Variants in RBFOX1 observed in about 807,000 individuals in gnomAD.
RBFOX1 encodes RNA binding protein fox-1 homolog 1.
RBFOX1 carries 8 observed loss-of-function variants against 57.7 expected under a neutral mutation model. That is an observed-to-expected ratio of 0.14 (90% CI 0.08 to 0.25). RBFOX1 has a LOEUF of 0.25. RBFOX1 is among the 10% of genes least tolerant of loss of function. The pLI is 1.00. For synonymous variants in RBFOX1, 326 were observed against 222.4 expected, an observed-to-expected ratio of 1.47 and a Z score of -4.15; for missense variants, 611 against 548.5, an observed-to-expected ratio of 1.11 and a Z score of -1.14.
At chr16:6,618,512 T>A (rs1464990935) in intron 2 of RBFOX1, among the ~76,000 whole-genome samples, 1 of 152,198 alleles carries the variant, frequency 6.6e-6, no homozygotes, top group Admixed American at 6.5e-5. Flanking sequence ...CCACTAGGCG[T>A]TTAATGTGGA....
At chr16:7,158,260 C>G (rs2077548650) in intron 4 of RBFOX1, among the ~76,000 whole-genome samples, 1 of 152,044 alleles carries the variant, frequency 6.6e-6, no homozygotes, top group Non-Finnish European at 1.5e-5. Flanking sequence ...GCAGGAGAAT[C>G]ACTTGAAACT....
At chr16:6,690,335 A>G (rs1219426074) in intron 3 of RBFOX1, among the ~76,000 whole-genome samples, 2 of 152,164 alleles carry the variant, frequency 1.3e-5, no homozygotes, top group African/African-American at 4.8e-5. Context: ...AACATCACCT[A>G]TGCAATATAC....
chr16:7,069,057 A>G (rs961795130), intron 4 of RBFOX1, among the ~76,000 whole-genome samples: 34 of 152,252 alleles, frequency 2.2e-4, no homozygotes, highest in African/African-American at 7.0e-4. Context: ...ATGTTTCTAA[A>G]GACTCTAGGA....
At chr16:5,835,859 C>T (rs1381887625) in intron 3 of RBFOX1, among the ~76,000 whole-genome samples, 2 of 152,172 alleles carry the variant, frequency 1.3e-5, no homozygotes, top group East Asian at 3.9e-4. Context: ...CACAGGCCTC[C>T]CATCCCTCCC....
At chr16:6,731,492 A>T (rs141377971) in intron 3 of RBFOX1, among the ~76,000 whole-genome samples, 1 of 152,144 alleles carries the variant, frequency 6.6e-6, no homozygotes, top group East Asian at 1.9e-4. Context: ...AGCTGCGAGT[A>T]TCTGTGTCTC....
At chr16:6,174,095 G>A (rs1209409495) in intron 1 of RBFOX1, among the ~76,000 whole-genome samples, 1 of 152,094 alleles carries the variant, frequency 6.6e-6, no homozygotes, top group South Asian at 2.1e-4. Context: ...GTGGTTGAGA[G>A]GCAACTTAAC....
At chr16:7,324,994 G>C (rs2096592804) in intron 4 of RBFOX1, among the ~76,000 whole-genome samples, 1 of 152,090 alleles carries the variant, frequency 6.6e-6, no homozygotes, top group South Asian at 2.1e-4. Flanking sequence ...TTTTTTGTTT[G>C]GGACATAGAA....
At chr16:7,493,190 TTTC>T (rs1357650061) in intron 4 of RBFOX1, among the ~76,000 whole-genome samples, 1 of 152,196 alleles carries the variant, frequency 6.6e-6, no homozygotes. Flanking sequence ...TTAAGCCCCT[TTTC>T]TTTGTAAAAT....
At chr16:5,269,939 G>C (rs1596349654) in intron 1 of RBFOX1, among the ~76,000 whole-genome samples, 1 of 152,154 alleles carries the variant, frequency 6.6e-6, no homozygotes, top group Non-Finnish European at 1.5e-5. Context: ...AGGATTGCTT[G>C]AGGCCAGGAG....
At chr16:7,377,897 G>C (rs1349431224) in intron 4 of RBFOX1, among the ~76,000 whole-genome samples, 1 of 152,218 alleles carries the variant, frequency 6.6e-6, no homozygotes, top group South Asian at 2.1e-4. Context: ...TGCTCCCATA[G>C]TTTGGAGACT....
chr16:6,625,033 C>T (rs970027324), intron 2 of RBFOX1, among the ~76,000 whole-genome samples: 10 of 151,768 alleles, frequency 6.6e-5, no homozygotes, highest in African/African-American at 1.7e-4. Context: ...GGTGTGGTGT[C>T]GCAGGCTTAT....
intron 2 of RBFOX1, among the ~76,000 whole-genome samples, chr16:6,503,753 A>T (rs911842637): frequency 4.6e-5 from 7 of 152,164 alleles, no homozygotes; most frequent in Non-Finnish European, 7.4e-5. Context: ...ACACACAGCC[A>T]ATCCCAGAGT....
intron 3 of RBFOX1, among the ~76,000 whole-genome samples, chr16:6,862,697 C>G (rs951818694): frequency 6.6e-6 from 1 of 152,060 alleles, no homozygotes; most frequent in African/African-American, 2.4e-5. Flanking sequence ...ATCACAGATG[C>G]TGTTTAAGAA....
chr16:6,510,363 A>G (rs7204865), intron 2 of RBFOX1, among the ~76,000 whole-genome samples: 4 of 152,160 alleles, frequency 2.6e-5, no homozygotes, highest in Admixed American at 6.6e-5. Flanking sequence ...GTGATGCCAC[A>G]GAAGCCAACT....
At chr16:7,670,791 G>C (rs181683671) in intron 13 of RBFOX1, among the ~76,000 whole-genome samples, 14 of 152,170 alleles carry the variant, frequency 9.2e-5, no homozygotes, top group Non-Finnish European at 1.5e-4. Flanking sequence ...CCTAGAATTG[G>C]AGAATTTTAT....
At chr16:6,211,425 T>A (rs1258277511) in intron 1 of RBFOX1, among the ~76,000 whole-genome samples, 1 of 152,030 alleles carries the variant, frequency 6.6e-6, no homozygotes, top group Non-Finnish European at 1.5e-5. Flanking sequence ...AGACAGGGTT[T>A]CTTCGTGTTA....
At chr16:7,489,885 T>C (rs2066477907) in intron 4 of RBFOX1, among the ~76,000 whole-genome samples, 1 of 152,130 alleles carries the variant, frequency 6.6e-6, no homozygotes, top group Non-Finnish European at 1.5e-5. Context: ...TTTCCACCTT[T>C]TAATGATGCA....
At chr16:5,426,226 A>G (rs1163711026) in intron 1 of RBFOX1, among the ~76,000 whole-genome samples, 7 of 152,242 alleles carry the variant, frequency 4.6e-5, no homozygotes, top group Admixed American at 3.3e-4. Context: ...GAGTGGTCCC[A>G]CTCAAAGTAG....
At chr16:6,189,003 A>G (rs2097125323) in intron 1 of RBFOX1, among the ~76,000 whole-genome samples, 1 of 152,220 alleles carries the variant, frequency 6.6e-6, no homozygotes, top group African/African-American at 2.4e-5. Flanking sequence ...GAAATATTTG[A>G]ACATGTTTAT....
Sources: gnomAD v4.1 joint callset for allele counts (sites outside exome capture counted in the v4.1 genomes callset) on GRCh38, gnomAD v4.1.1 for gene constraint, MANE v1.5 for transcripts, NCBI Gene and HGNC (gene_info 2026-07-23, HGNC 2026-07-21) for gene names.